Variants in DACH1 observed in about 807,000 individuals in gnomAD.
DACH1 encodes the protein dachshund homolog 1.
Under a neutral mutation model 54.2 loss-of-function variants are expected in DACH1, and 12 were observed. That is an observed-to-expected ratio of 0.22 (90% CI 0.14 to 0.36). The LOEUF is 0.36. Among genes scored for constraint, DACH1 ranks in the 10% least tolerant of loss-of-function variants. The pLI is 1.00. For missense variants in DACH1, 805 were observed against 929.8 expected, an observed-to-expected ratio of 0.87 and a Z score of 1.75; for synonymous variants, 386 against 366.2, an observed-to-expected ratio of 1.05 and a Z score of -0.62.
chr13:71,732,096 G>A (rs182657549), intron 1 of DACH1, among the ~76,000 whole-genome samples: 174 of 152,214 alleles, frequency 1.1e-3, no homozygotes, highest in Middle Eastern at 6.8e-3. Flanking sequence ...ATATTTGGGG[G>A]ATCTTGATTC....
intron 1 of DACH1, among the ~76,000 whole-genome samples, chr13:71,732,955 C>T (rs1883817747): frequency 6.6e-6 from 1 of 152,084 alleles, no homozygotes. Context: ...CTCTTGGTTC[C>T]CCATGATCTT....
At chr13:71,598,525 T>C (rs1446555454) in intron 3 of DACH1, among the ~76,000 whole-genome samples, 1 of 152,160 alleles carries the variant, frequency 6.6e-6, no homozygotes, top group Non-Finnish European at 1.5e-5. Context: ...AGTGCTGGGA[T>C]TACAGGCGTG....
intron 6 of DACH1, among the ~76,000 whole-genome samples, chr13:71,500,883 G>A (rs142879704): frequency 6.6e-6 from 1 of 151,456 alleles, no homozygotes; most frequent in East Asian, 1.9e-4. Context: ...TTTAAATTAA[G>A]CCTGAATATT....
chr13:71,705,505 T>C (rs938176526), intron 1 of DACH1, among the ~76,000 whole-genome samples: 1 of 152,104 alleles, frequency 6.6e-6, no homozygotes, highest in Non-Finnish European at 1.5e-5. Context: ...TTAGAACTCA[T>C]CATTAAAAAA....
chr13:71,788,394 T>C (rs1234818781), intron 1 of DACH1, among the ~76,000 whole-genome samples: 1 of 152,198 alleles, frequency 6.6e-6, no homozygotes, highest in South Asian at 2.1e-4. Context: ...TGAGTATCTG[T>C]GTTTATATAC....
At chr13:71,720,224 C>A (rs780875520) in intron 1 of DACH1, among the ~76,000 whole-genome samples, 9 of 152,112 alleles carry the variant, frequency 5.9e-5, no homozygotes, top group Non-Finnish European at 1.0e-4. Flanking sequence ...GGAAAGCTAG[C>A]ATGGCTTATT....
At chr13:71,773,215 C>A (rs1166166341) in intron 1 of DACH1, among the ~76,000 whole-genome samples, 1 of 151,836 alleles carries the variant, frequency 6.6e-6, no homozygotes, top group African/African-American at 2.4e-5. Context: ...ACTGAACTTT[C>A]CGCTACATTT....
At chr13:71,540,024 A>G (rs1229634143) in intron 6 of DACH1, among the ~76,000 whole-genome samples, 1 of 152,034 alleles carries the variant, frequency 6.6e-6, no homozygotes, top group Non-Finnish European at 1.5e-5. Flanking sequence ...TATCATTGGC[A>G]TGAGATAAAC....
intron 3 of DACH1, among the ~76,000 whole-genome samples, chr13:71,602,675 T>A (rs1309595199): frequency 6.6e-6 from 1 of 151,944 alleles, no homozygotes; most frequent in Non-Finnish European, 1.5e-5. Context: ...TCAAAAACAA[T>A]ATCTAATCAA....
chr13:71,799,845 G>A (rs1311351351), intron 1 of DACH1, among the ~76,000 whole-genome samples: 1 of 152,128 alleles, frequency 6.6e-6, no homozygotes, highest in African/African-American at 2.4e-5. Context: ...TACTGGCAAT[G>A]AGGAATCATT....
intron 6 of DACH1, among the ~76,000 whole-genome samples, chr13:71,494,981 A>G (rs1346014235): frequency 6.6e-6 from 1 of 152,024 alleles, no homozygotes. Context: ...TACTTTTAAA[A>G]TGTTTTCTTT....
chr13:71,526,874 G>A (rs142413392), intron 6 of DACH1, among the ~76,000 whole-genome samples: 1 of 151,892 alleles, frequency 6.6e-6, no homozygotes, highest in African/African-American at 2.4e-5. Context: ...TCTTCTCAGT[G>A]AAGTCTTCCT....
chr13:71,753,730 C>T (rs989056035), intron 1 of DACH1, among the ~76,000 whole-genome samples: 5 of 152,122 alleles, frequency 3.3e-5, no homozygotes, highest in Non-Finnish European at 7.4e-5. Flanking sequence ...AATCAATTCT[C>T]AATTATCTGC....
chr13:71,612,108 C>T (rs754887228), intron 3 of DACH1, among the ~76,000 whole-genome samples: 2 of 151,980 alleles, frequency 1.3e-5, no homozygotes, highest in Non-Finnish European at 2.9e-5. Context: ...TGATACATAA[C>T]AAAGTTGATA....
At chr13:71,494,959 A>C (rs1348356162) in intron 6 of DACH1, among the ~76,000 whole-genome samples, 1 of 152,120 alleles carries the variant, frequency 6.6e-6, no homozygotes, top group Non-Finnish European at 1.5e-5. Context: ...GTTTAAAAAA[A>C]TAATGGGCCT....
At chr13:71,620,900 A>G (rs1876186063) in intron 3 of DACH1, among the ~76,000 whole-genome samples, 1 of 151,960 alleles carries the variant, frequency 6.6e-6, no homozygotes, top group South Asian at 2.1e-4. Context: ...TTTTACTTAG[A>G]AAAGTGAAAC....
At chr13:71,828,650 A>C (rs1425604710) in intron 1 of DACH1, among the ~76,000 whole-genome samples, 1 of 151,926 alleles carries the variant, frequency 6.6e-6, no homozygotes, top group Non-Finnish European at 1.5e-5. Context: ...TTTGTTTTTC[A>C]CAGACTTTAG....
chr13:71,771,863 T>C (rs908404579), intron 1 of DACH1, among the ~76,000 whole-genome samples: 4 of 151,098 alleles, frequency 2.6e-5, no homozygotes, highest in African/African-American at 4.8e-5. Flanking sequence ...TAAAGGTGGG[T>C]TACCATTTAT....
chr13:71,757,394 C>G (rs1428376135), intron 1 of DACH1, among the ~76,000 whole-genome samples: 1 of 152,058 alleles, frequency 6.6e-6, no homozygotes, highest in Non-Finnish European at 1.5e-5. Context: ...TCTGTAGAGT[C>G]TTTGTTGTCT....
Sources: allele counts gnomAD v4.1 joint callset (sites outside exome capture counted in the v4.1 genomes callset), GRCh38; gene constraint gnomAD v4.1.1; transcripts MANE v1.5; gene names NCBI Gene and HGNC (gene_info 2026-07-23, HGNC 2026-07-21).